The following PTH2R variants were observed in gnomAD, a reference collection of about 807,000 sequenced individuals.
PTH2R encodes the protein PTH2 receptor.
PTH2R carries 59 observed loss-of-function variants against 60.3 expected under a neutral mutation model. That is an observed-to-expected ratio of 0.98 (90% CI 0.79 to 1.22). The LOEUF is 1.22. Ranked by LOEUF, PTH2R falls within the 50% of genes most tolerant of loss-of-function variation. PTH2R has a pLI of 0.00. For synonymous variants in PTH2R, 256 were observed against 243.8 expected, an observed-to-expected ratio of 1.05 and a Z score of -0.47; for missense variants, 749 against 682.6, an observed-to-expected ratio of 1.10 and a Z score of -1.08.
At chr2:208,470,799 C>G (rs564903163) in intron 9 of PTH2R, among the ~76,000 whole-genome samples, 3 of 152,278 alleles carry the variant, frequency 2.0e-5, no homozygotes, top group Admixed American at 1.3e-4. Context: ...GAGGTTGGAA[C>G]AGTTCAAAGG....
chr2:208,458,152 G>T (rs928416715), intron 8 of PTH2R, among the ~76,000 whole-genome samples: 16 of 152,234 alleles, frequency 1.1e-4, no homozygotes, highest in African/African-American at 3.9e-4. Context: ...CAGATTGGGT[G>T]AGCATGAGTA....
rs549910268 is a variant in PTH2R, at chr2:208,444,997, C to A, written c.853+110C>A. On this transcript the variant is annotated intron_variant, in intron 7 of 12. Transcript: ENST00000272847. ...GCCATTTTCCTGAAACAATCCCTCC[C>A]ATTCTTATTTTTTATCTCCCTTTTA... 5,767 of 1,151,198 alleles carry A rather than the reference C, an allele frequency of 5.0e-3. 17 individuals carry two copies. Among genetic ancestry groups the A allele is most frequent in the Non-Finnish European group, 6.3e-3 (5,185 of 829,008 alleles). 71.3% of individuals were successfully genotyped at this position (1,151,198 alleles called of 1,614,324 possible). A position where few individuals can be genotyped will look rare whatever the true frequency, so the allele number is the denominator to read the frequency against.
At position 208,437,548 on chromosome 2, in the gene PTH2R, T is replaced by A; in HGVS notation, c.190T>A (p.Phe64Ile). The A allele has an allele frequency of 6.2e-7, 1 of 1,603,708 alleles. No homozygotes were observed. The highest frequency in any genetic ancestry group is 8.5e-7 in the Non-Finnish European group (1 of 1,176,180). Residue 64 changes from phenylalanine (F) to isoleucine (I), a missense_variant, in exon 3 of 13, where the codon TTC becomes ATC. Phe to Ile is a conservative substitution (Grantham distance 21). Coordinates refer to ENST00000272847, the MANE Select transcript of PTH2R (RefSeq NM_005048.4). ...AQLQEGEGNCFPEWDGLICWP... is the reference protein window; with the variant it reads ...AQLQEGEGNCIPEWDGLICWP... ...TTTTTTCTCATTAGAAGGTAATTGT[T>A]TCCCTGAATGGGATGGACTCATTTG...
chr2:208,458,043 G>A (rs775301078), intron 8 of PTH2R, among the ~76,000 whole-genome samples: 2 of 152,214 alleles, frequency 1.3e-5, no homozygotes, highest in South Asian at 4.1e-4. Context: ...TTATTTGTGC[G>A]TCTTTTGTTT....
chr2:208,371,171 G>T (rs1467960982), intron 1 of PTH2R, among the ~76,000 whole-genome samples: 2 of 152,004 alleles, frequency 1.3e-5, no homozygotes, highest in Non-Finnish European at 1.5e-5. Context: ...ATTTTGAGGG[G>T]ACAGATATCC....
In PTH2R at chr2:208,422,244, G is replaced by A. The variant is rs537425049; in HGVS notation, c.76-5957G>A. Among the ~76,000 whole-genome samples, 6 of 152,200 alleles carry A rather than the reference G, an allele frequency of 3.9e-5. No homozygotes were observed. The East Asian group carries it at 5.8e-4, about 15-fold the overall frequency. ...ATTAGATGAGGCCCAGTTACATTGC[G>A]GGAGGGCAATCGGCTTTGCTGAGTC... On this transcript the variant is annotated intron_variant, in intron 1 of 12. Transcript: ENST00000272847.
chr2:208,450,132 T>C lies in PTH2R; in HGVS notation c.854-617T>C, dbSNP rs369900094. Among the ~76,000 whole-genome samples the C allele has an allele frequency of 5.6e-4, 86 of 152,306 alleles. 2 individuals carry two copies. The South Asian group carries it at 0.017, about 30-fold the overall frequency. The stretch of plus-strand genomic sequence containing the variant: ...GATTTGATGTTACAAGCCCAGAAGG[T>C]GTTTAGCACTTATGAAGGACAAATA... On this transcript the variant is annotated intron_variant, in intron 7 of 12. Transcript: ENST00000272847.
chr2:208,362,370 A>G (rs992308871), intron 1 of PTH2R, among the ~76,000 whole-genome samples: 3 of 152,200 alleles, frequency 2.0e-5, no homozygotes, highest in African/African-American at 7.2e-5. Context: ...TAGATATGAT[A>G]TCTATATATC....
upstream of PTH2R, among the ~76,000 whole-genome samples, chr2:208,405,951 C>G (rs1002731166): frequency 6.6e-6 from 1 of 152,224 alleles, no homozygotes; most frequent in African/African-American, 2.4e-5. Context: ...GACTTCCCAG[C>G]CTCCAGACTG....
chr2:208,432,137 A>T (rs1412384914), intron 2 of PTH2R, among the ~76,000 whole-genome samples: 1 of 152,242 alleles, frequency 6.6e-6, no homozygotes, highest in African/African-American at 2.4e-5. Context: ...GATGGCTGAT[A>T]AGCTGTTTTC....
rs115950954 is a variant in PTH2R at position 208,364,063 on chromosome 2, A to T, written c.-259+3826A>T. 3.4e-3 allele frequency among the ~76,000 whole-genome samples: 515 copies of T among 152,244 alleles called. 3 individuals are homozygous for T. Among genetic ancestry groups the T allele is most frequent in the African/African-American group, 0.012 (498 of 41,562 alleles). The stretch of plus-strand genomic sequence containing the variant: ...TTTTGTTGCTTTGTCCATTTTAAAA[A>T]ATAGAGTAATTTGATTATTTTGTTG... On this transcript the variant is annotated intron_variant, in intron 1 of 12. Coordinates refer to the PTH2R transcript ENST00000617735.
intron 9 of PTH2R, among the ~76,000 whole-genome samples, chr2:208,469,039 G>C (rs536007593): frequency 7.2e-5 from 11 of 152,292 alleles, no homozygotes; most frequent in East Asian, 1.9e-4. Context: ...TCAATTTCTA[G>C]AGGAGAAAAC....
At chr2:208,482,253 C>T (rs1009381252) in intron 10 of PTH2R, among the ~76,000 whole-genome samples, 8 of 152,112 alleles carry the variant, frequency 5.3e-5, no homozygotes, top group South Asian at 2.1e-4. Context: ...CACAATGCAA[C>T]GGGGCTCTCT....
At chr2:208,424,152 G>A (rs983392244) in intron 1 of PTH2R, among the ~76,000 whole-genome samples, 10 of 152,196 alleles carry the variant, frequency 6.6e-5, no homozygotes, top group African/African-American at 2.4e-4. Context: ...TTACTGTCAG[G>A]AGGGGTGGAA....
At chr2:208,409,652 A>G (rs765550032) in intron 1 of PTH2R, among the ~76,000 whole-genome samples, 2 of 152,200 alleles carry the variant, frequency 1.3e-5, no homozygotes, top group Non-Finnish European at 2.9e-5. Flanking sequence ...GGATCACACC[A>G]TAAAATAGAT....
chr2:208,436,680 CCTCAGGGAACA>C (rs1183916959), intron 2 of PTH2R, among the ~76,000 whole-genome samples: 1 of 152,140 alleles, frequency 6.6e-6, no homozygotes, highest in African/African-American at 2.4e-5. Context: ...TGATTACATA[CCTCAGGGAACA>C]CAGAGTGCAC....
intron 1 of PTH2R, among the ~76,000 whole-genome samples, chr2:208,378,256 C>T (rs6435460): frequency 1.3e-5 from 2 of 149,382 alleles, no homozygotes; most frequent in South Asian, 4.3e-4. Flanking sequence ...ACCTGCAATC[C>T]CAGGCACTCG....
chr2:208,380,195 A>G (rs1700885753), intron 1 of PTH2R, among the ~76,000 whole-genome samples: 1 of 152,108 alleles, frequency 6.6e-6, no homozygotes, highest in Admixed American at 6.5e-5. Flanking sequence ...GTTTCCATTC[A>G]ATATGAGAGT....
At chr2:208,371,450 C>T (rs1268291349) in intron 1 of PTH2R, among the ~76,000 whole-genome samples, 1 of 152,076 alleles carries the variant, frequency 6.6e-6, no homozygotes, top group Non-Finnish European at 1.5e-5. Flanking sequence ...GTATATAAAC[C>T]CTTACCACTG....
Sources: allele counts gnomAD v4.1 joint callset (sites outside exome capture counted in the v4.1 genomes callset), GRCh38; gene constraint gnomAD v4.1.1; transcripts MANE v1.5; gene names NCBI Gene and HGNC (gene_info 2026-07-23, HGNC 2026-07-21).